Variants in PTPRK observed in about 807,000 individuals in gnomAD.
The protein encoded by PTPRK is protein tyrosine phosphatase receptor type K.
A neutral mutation model predicts 178.0 loss-of-function variants in PTPRK; 75 were observed. The observed-to-expected ratio is 0.42, with a 90% CI of 0.35 to 0.51. The LOEUF is 0.51. Ranked by LOEUF, PTPRK falls within the 20% of genes least tolerant of loss-of-function variation. The pLI, the probability that PTPRK is intolerant of heterozygous loss-of-function variation, is 0.02. For missense variants in PTPRK, 1,441 were observed against 1,797.8 expected (o/e 0.80, Z 3.59); for synonymous variants, 637 against 620.6 (o/e 1.03, Z -0.39).
chr6:128,209,205 T>C (rs1807607115), intron 6 of PTPRK, among the ~76,000 whole-genome samples: 2 of 152,082 alleles, frequency 1.3e-5, no homozygotes, highest in Admixed American at 1.3e-4. Context: ...CTGAGACAGA[T>C]AATATGTAAG....
intron 12 of PTPRK, among the ~76,000 whole-genome samples, 154 bp from the exon 13 acceptor site, chr6:128,064,948 C>T (rs947953232): frequency 6.6e-6 from 1 of 151,706 alleles, no homozygotes; most frequent in Non-Finnish European, 1.5e-5. Context: ...AAAATATGCC[C>T]CCCTAGGGAT....
intron 3 of PTPRK, among the ~76,000 whole-genome samples, chr6:128,305,483 T>C (rs911592354): frequency 1.3e-5 from 2 of 152,186 alleles, no homozygotes; most frequent in Non-Finnish European, 2.9e-5. Flanking sequence ...AAATGTATTA[T>C]TGCTATGGTA....
At chr6:128,441,488 C>A (rs1846277832) in intron 1 of PTPRK, among the ~76,000 whole-genome samples, 1 of 151,988 alleles carries the variant, frequency 6.6e-6, no homozygotes, top group Non-Finnish European at 1.5e-5. Flanking sequence ...AAACAATTGG[C>A]AAACAGCATT....
At position 128,411,838 on chromosome 6, in the gene PTPRK, G is replaced by A. The variant is rs186793078; in HGVS notation, c.101-14150C>T. 4.1e-4 allele frequency among the ~76,000 whole-genome samples: 62 copies of A among 151,988 alleles called. 1 individual carries two copies. Among genetic ancestry groups the A allele is most frequent in the Non-Finnish European group, 7.4e-4 (50 of 67,922 alleles). ...CAGAAGTAGTAAGTGCTAATATTTTGGTTTATATTTATTTCTAGCCTTTCC... is the reference window on the plus strand; with the variant it reads ...CAGAAGTAGTAAGTGCTAATATTTTAGTTTATATTTATTTCTAGCCTTTCC... On this transcript the variant is annotated intron_variant, in intron 1 of 29. Coordinates refer to ENST00000368226, the MANE Select transcript of PTPRK (RefSeq NM_002844.4).
At chr6:128,472,653 TG>T in intron 1 of PTPRK, 1 of 326,016 alleles carries the variant, frequency 3.1e-6, no homozygotes, top group Non-Finnish European at 5.9e-6. Flanking sequence ...AACTTGAGAG[TG>T]GTTGCATACA....
chr6:128,182,598 C>T (rs1056406932), intron 7 of PTPRK, among the ~76,000 whole-genome samples: 1 of 152,090 alleles, frequency 6.6e-6, no homozygotes, highest in African/African-American at 2.4e-5. Flanking sequence ...GTTAACTATC[C>T]TCATTCCCTC....
intron 3 of PTPRK, among the ~76,000 whole-genome samples, chr6:128,246,439 TAA>T (rs78830574): frequency 1.4e-5 from 2 of 144,678 alleles, no homozygotes; most frequent in Admixed American, 6.9e-5. Context: ...GTTCTTTATT[TAA>T]AAAAAAAAAA....
chr6:128,464,870 C>A (rs1849652087), intron 1 of PTPRK, among the ~76,000 whole-genome samples: 1 of 147,560 alleles, frequency 6.8e-6, no homozygotes, highest in Non-Finnish European at 1.5e-5. Flanking sequence ...ACAAAAAAAA[C>A]ACTGCAGGTC....
At chr6:128,470,672 T>C (rs991798277) in intron 1 of PTPRK, among the ~76,000 whole-genome samples, 14 of 151,730 alleles carry the variant, frequency 9.2e-5, no homozygotes, top group African/African-American at 3.1e-4. Context: ...GCAGAATTTT[T>C]CTTTTAAATA....
intron 1 of PTPRK, among the ~76,000 whole-genome samples, chr6:128,472,435 A>G (rs529017792): frequency 4.2e-4 from 48 of 114,808 alleles, no homozygotes; most frequent in African/African-American, 1.5e-3. Context: ...CCCCCCCTTT[A>G]GCTTAGGGAA....
At chr6:128,079,375 A>T (rs1482001507) in intron 10 of PTPRK, among the ~76,000 whole-genome samples, 1 of 152,062 alleles carries the variant, frequency 6.6e-6, no homozygotes, top group Non-Finnish European at 1.5e-5. Context: ...AGAAAGACAC[A>T]GTACTCTTAT....
rs189048007 is a variant in PTPRK at position 128,142,461 on chromosome 6, G to A, written c.1162+41971C>T. ...AGACAAGTCAAACATTGGAAGCACC[G>A]TATAGCATTCCATTGGAAGTTAAGA... is the stretch of plus-strand genomic sequence containing the variant. On this transcript the variant is annotated intron_variant, in intron 7 of 29. Transcript: ENST00000368226. Among the ~76,000 whole-genome samples, 36 of 151,808 alleles carry A rather than the reference G, an allele frequency of 2.4e-4. No homozygotes were observed. In the East Asian group the frequency reaches 2.7e-3, roughly 11 times the overall value.
intron 2 of PTPRK, among the ~76,000 whole-genome samples, chr6:128,368,008 T>C (rs1255229573): frequency 6.6e-6 from 1 of 152,164 alleles, no homozygotes; most frequent in Admixed American, 6.6e-5. Context: ...ATACATAACC[T>C]TCCCATGTTC....
intron 13 of PTPRK, among the ~76,000 whole-genome samples, chr6:128,030,386 T>C (rs569578288): frequency 4.6e-5 from 7 of 152,312 alleles, no homozygotes; most frequent in African/African-American, 1.7e-4. Context: ...AGAGGCATTT[T>C]GAAGGGTAAA....
At chr6:128,319,919 A>T (rs1238008165) in intron 3 of PTPRK, among the ~76,000 whole-genome samples, 1 of 152,194 alleles carries the variant, frequency 6.6e-6, no homozygotes, top group Admixed American at 6.5e-5. Context: ...CATGAATAAA[A>T]AGTACTCTGT....
intron 11 of PTPRK, among the ~76,000 whole-genome samples, chr6:128,074,803 T>A (rs1362242225): frequency 6.6e-6 from 1 of 152,052 alleles, no homozygotes; most frequent in Non-Finnish European, 1.5e-5. Context: ...TGCTGCATTA[T>A]GCAGAATGGG....
At chr6:128,228,376 G>A (rs917055262) in intron 5 of PTPRK, among the ~76,000 whole-genome samples, 7 of 151,712 alleles carry the variant, frequency 4.6e-5, no homozygotes, top group Non-Finnish European at 1.0e-4. Context: ...TCTGGGTGCG[G>A]TGGCTCACGC....
rs993552576 is a variant in PTPRK, at chr6:128,109,781, A to G, written c.1163-19789T>C. On this transcript the variant is annotated intron_variant, in intron 7 of 29. Transcript: ENST00000368226. ...TAGTAAAGCAAACAACTGTTTATAGAACAAGAACAAAACATTTTCCATGAT... is the reference window on the plus strand; with the variant it reads ...TAGTAAAGCAAACAACTGTTTATAGGACAAGAACAAAACATTTTCCATGAT... Among the ~76,000 whole-genome samples, 2 of 152,178 alleles carry G rather than the reference A, an allele frequency of 1.3e-5. 1 individual carries two copies. Among genetic ancestry groups the G allele is most frequent in the African/African-American group, 4.8e-5 (2 of 41,446 alleles).
rs1229215034 is a variant in PTPRK, at chr6:128,435,086, AAGGAAGGAAGGAAGGAAGGAAGGC to A, written c.101-37422_101-37399del. ...GAAGGAAGGAAGGAAGGAAGGAAGGAAGGAAGGAAGGAAGGAAGGAAGGCAGGAAGGCAGGCAGGAAGGCAGGCA... is the reference window on the plus strand; with the variant it reads ...GAAGGAAGGAAGGAAGGAAGGAAGGAAGGAAGGCAGGCAGGAAGGCAGGCA... On this transcript the variant is annotated intron_variant, in intron 1 of 29. Coordinates refer to ENST00000368226, the MANE Select transcript of PTPRK (RefSeq NM_002844.4). Among the ~76,000 whole-genome samples, 600 of 105,388 alleles carry A rather than the reference AAGGAAGGAAGGAAGGAAGGAAGGC, an allele frequency of 5.7e-3. 11 individuals are homozygous for A. Among genetic ancestry groups the A allele is most frequent in the South Asian group, 0.01 (31 of 3,000 alleles). The allele number at this position is 105,388 out of a possible 152,430, so 69.1% of individuals were successfully genotyped here.
Sources: allele counts gnomAD v4.1 joint callset (sites outside exome capture counted in the v4.1 genomes callset), GRCh38; gene constraint gnomAD v4.1.1; transcripts MANE v1.5; gene names NCBI Gene and HGNC (gene_info 2026-07-23, HGNC 2026-07-21).